The following PLCB4 variants were observed in gnomAD, a reference collection of about 807,000 sequenced individuals.
PLCB4 encodes the protein 1-phosphatidylinositol 4,5-bisphosphate phosphodiesterase beta-4.
In PLCB4, 77 loss-of-function variants were observed where a neutral mutation model predicts 178.8. The ratio of observed to expected loss-of-function variants is 0.43; its 90% confidence interval spans 0.36 to 0.52. PLCB4 has a LOEUF of 0.52. Among genes scored for constraint, PLCB4 ranks in the 20% least tolerant of loss-of-function variants. The pLI, the probability that PLCB4 is intolerant of heterozygous loss-of-function variation, is 0.00. For missense variants in PLCB4, 1,024 were observed against 1,453.4 expected (o/e 0.70, Z 4.80); for synonymous variants, 496 against 490.8 (o/e 1.01, Z -0.14).
chr20:9,114,314 G>A lies in PLCB4; in HGVS notation c.-79+17972G>A, dbSNP rs373029707. ...GCTTAATAAGGTGTTCAGAGGGGTG[G>A]TGCTGATGCTAGGAACGGAGAAGAC... On this transcript the variant is annotated intron_variant, in intron 2 of 39. Coordinates refer to ENST00000378473, the MANE Select transcript of PLCB4 (RefSeq NM_001377142.1). Among the ~76,000 whole-genome samples the A allele has an allele frequency of 1.3e-3, 203 of 152,230 alleles. 6 individuals carry two copies. The South Asian group carries it at 0.04, about 30-fold the overall frequency.
At chr20:9,319,903 A>G (rs1380728637) in intron 4 of PLCB4, among the ~76,000 whole-genome samples, 1 of 152,186 alleles carries the variant, frequency 6.6e-6, no homozygotes, top group Admixed American at 6.5e-5. Context: ...TTTAGCACAG[A>G]CAGTAGTAAA....
At chr20:9,133,527 A>G (rs2092320239) in intron 2 of PLCB4, among the ~76,000 whole-genome samples, 1 of 152,168 alleles carries the variant, frequency 6.6e-6, no homozygotes, top group Non-Finnish European at 1.5e-5. Context: ...TTGGCCTCCC[A>G]AAGTGCTGGG....
chr20:9,218,639 T>A (rs2093760589), intron 3 of PLCB4, among the ~76,000 whole-genome samples: 1 of 152,176 alleles, frequency 6.6e-6, no homozygotes, highest in South Asian at 2.1e-4. Flanking sequence ...CTTCTGGCAG[T>A]GCCCGTGGCT....
At position 9,079,388 on chromosome 20, in the gene PLCB4, G is replaced by A. The variant is rs1380974832; in HGVS notation, c.-135+10182G>A. Among the ~76,000 whole-genome samples the A allele has an allele frequency of 9.2e-5, 14 of 152,306 alleles. No individual in the cohort carries two copies. In the East Asian group the frequency reaches 2.3e-3, roughly 25 times the overall value. ...GAGTTAGTCCTACTCTAAGGAAGGG[G>A]CAAGAAAGGCTGACAAGAGCTGTAT... is the stretch of plus-strand genomic sequence containing the variant. On this transcript the variant is annotated intron_variant, in intron 1 of 39. Coordinates refer to ENST00000378473, the MANE Select transcript of PLCB4 (RefSeq NM_001377142.1).
At chr20:9,104,959 T>G (rs2091307810) in intron 2 of PLCB4, among the ~76,000 whole-genome samples, 1 of 152,110 alleles carries the variant, frequency 6.6e-6, no homozygotes, top group African/African-American at 2.4e-5. Context: ...TTTATGTTCC[T>G]TGGAGGAGAT....
intron 3 of PLCB4, among the ~76,000 whole-genome samples, chr20:9,249,296 G>A (rs2094155905): frequency 6.6e-6 from 1 of 151,816 alleles, no homozygotes; most frequent in South Asian, 2.1e-4. Flanking sequence ...ATGTATACAT[G>A]TGCCATGTTG....
rs180786550 is a variant in PLCB4, at chr20:9,304,898, T to A, written c.-15-2902T>A. On this transcript the variant is annotated intron_variant, in intron 3 of 39. Transcript: ENST00000378473. The stretch of plus-strand genomic sequence containing the variant: ...TTTAATTTTAGTTCTATCTTTTTTT[T>A]AATTATACTTTAAGTTTTAGGGTAC... Among the ~76,000 whole-genome samples the A allele has an allele frequency of 7.9e-5, 12 of 152,046 alleles. No individual in the cohort carries two copies. The East Asian group carries it at 9.7e-4, about 12-fold the overall frequency.
intron 9 of PLCB4, among the ~76,000 whole-genome samples, chr20:9,370,633 C>A (rs34830664): frequency 0.067 from 10,245 of 152,114 alleles, 373 homozygotes; most frequent in Middle Eastern, 0.092. Context: ...CCAGGCCAGG[C>A]GCTGTGGCTC....
At chr20:9,288,018 G>A (rs971349440) in intron 3 of PLCB4, among the ~76,000 whole-genome samples, 1 of 152,058 alleles carries the variant, frequency 6.6e-6, no homozygotes, top group African/African-American at 2.4e-5. Flanking sequence ...TCCACCAGCA[G>A]GATTGTGGCA....
chr20:9,449,824 T>C (rs1424146471), intron 32 of PLCB4, among the ~76,000 whole-genome samples: 1 of 152,206 alleles, frequency 6.6e-6, no homozygotes, highest in African/African-American at 2.4e-5. Flanking sequence ...TCAATTTTAA[T>C]TCATGGTCAG....
intron 3 of PLCB4, among the ~76,000 whole-genome samples, chr20:9,288,805 G>A (rs1386863958): frequency 6.6e-6 from 1 of 152,000 alleles, no homozygotes; most frequent in Non-Finnish European, 1.5e-5. Flanking sequence ...AAAAGTTTCA[G>A]CTACTCAAAA....
At chr20:9,449,281 T>G (rs977350517) in intron 32 of PLCB4, among the ~76,000 whole-genome samples, 1 of 152,180 alleles carries the variant, frequency 6.6e-6, no homozygotes, top group Non-Finnish European at 1.5e-5. Context: ...GTCAATTCCT[T>G]AGAGCCAAAA....
chr20:9,316,943 G>A (rs1373460236), intron 4 of PLCB4, among the ~76,000 whole-genome samples: 1 of 152,164 alleles, frequency 6.6e-6, no homozygotes, highest in South Asian at 2.1e-4. Context: ...TTAAGGAAAG[G>A]TCTGTATTGT....
chr20:9,445,401 A>C (rs1202044249), intron 32 of PLCB4, among the ~76,000 whole-genome samples: 1 of 152,226 alleles, frequency 6.6e-6, no homozygotes, highest in Non-Finnish European at 1.5e-5. Context: ...CATGTCCTTC[A>C]GAACTTGGCT....
intron 30 of PLCB4, among the ~76,000 whole-genome samples, chr20:9,442,778 CT>C (rs1330278826): frequency 6.6e-6 from 1 of 152,152 alleles, no homozygotes; most frequent in Non-Finnish European, 1.5e-5. Context: ...CCCATGGACC[CT>C]TTATACCCCG....
At chr20:9,372,554 T>C (rs1198550620) in intron 11 of PLCB4, 151 bp downstream of exon 11, 1 of 521,990 alleles carries the variant, frequency 1.9e-6, no homozygotes, top group Non-Finnish European at 3.4e-6. Flanking sequence ...ACTTTATCAG[T>C]GTAAAAGTTC....
chr20:9,274,052 G>A (rs2094430689), intron 3 of PLCB4, among the ~76,000 whole-genome samples: 1 of 151,980 alleles, frequency 6.6e-6, no homozygotes, highest in African/African-American at 2.4e-5. Flanking sequence ...GCAGGACTTC[G>A]TAACTGATTG....
chr20:9,443,427 A>G (rs1305173141), intron 30 of PLCB4, among the ~76,000 whole-genome samples: 2 of 152,194 alleles, frequency 1.3e-5, no homozygotes, highest in East Asian at 1.9e-4. Flanking sequence ...CACAGCTCCT[A>G]TGAATTTTGG....
At chr20:9,309,155 C>T (rs1193356250) in intron 4 of PLCB4, among the ~76,000 whole-genome samples, 1 of 152,096 alleles carries the variant, frequency 6.6e-6, no homozygotes, top group Non-Finnish European at 1.5e-5. Context: ...AATACAAGGC[C>T]TTCTATAATT....
Sources: allele counts gnomAD v4.1 joint callset (sites outside exome capture counted in the v4.1 genomes callset), GRCh38; gene constraint gnomAD v4.1.1; transcripts MANE v1.5; gene names NCBI Gene and HGNC (gene_info 2026-07-23, HGNC 2026-07-21).